Variants in SAAL1 observed in about 807,000 individuals in gnomAD.
SAAL1 encodes protein SAAL1.
A neutral mutation model predicts 59.8 loss-of-function variants in SAAL1; 42 were observed. The observed-to-expected ratio is 0.70, with a 90% CI of 0.55 to 0.91. The LOEUF (loss-of-function observed/expected upper bound fraction) is 0.91, where lower values mean the gene tolerates loss of function less well. Among genes scored for constraint, SAAL1 ranks in the 40% least tolerant of loss-of-function variants. The probability of loss-of-function intolerance (pLI) is 0.00; values close to 1 mark genes in which losing one functional copy is unlikely to be tolerated. For missense variants in SAAL1, 542 were observed against 561.1 expected (o/e 0.97, Z 0.34); for synonymous variants, 191 against 194.3 (o/e 0.98, Z 0.14).
chr11:18,101,042 A>C (rs1447023448), intron 2 of SAAL1, among the ~76,000 whole-genome samples: 2 of 152,222 alleles, frequency 1.3e-5, no homozygotes, highest in African/African-American at 4.8e-5. Context: ...GGAATTAAGG[A>C]AGTCCAAATT....
rs925120066 is a variant in SAAL1 at position 18,081,518 on chromosome 11, A to T, written c.1240-15T>A. 2 of 1,610,182 alleles carry T rather than the reference A, an allele frequency of 1.2e-6. No homozygotes were observed. Among genetic ancestry groups the T allele is most frequent in the African/African-American group, 2.7e-5 (2 of 74,702 alleles). The stretch of plus-strand genomic sequence containing the variant: ...GCCACCGTCTCCTAAAACAACAACA[A>T]GATTTAATGTCAAAAAAGGAAAATT... On this transcript the variant is annotated splice_polypyrimidine_tract_variant and intron_variant, in intron 10 of 11. Transcript: ENST00000524803.
rs959765842 is a variant in SAAL1 at position 18,092,317 on chromosome 11, C to T, written c.341G>A (p.Cys114Tyr). 9 of 1,596,082 alleles carry T rather than the reference C, an allele frequency of 5.6e-6. No individual in the cohort carries two copies. Among genetic ancestry groups the T allele is most frequent in the Non-Finnish European group, 7.7e-6 (9 of 1,163,848 alleles). Residue 114 changes from cysteine to tyrosine, a missense_variant, in exon 4 of 12, where the codon TGT (cysteine) becomes TAT (tyrosine). By Grantham distance (194) the Cys-to-Tyr change is radical. Coordinates refer to ENST00000524803, the MANE Select transcript of SAAL1 (RefSeq NM_138421.3). ...GGCCATATTACCTAAAATTCCCACA[C>T]AGATTTCCTGCCAAATCAAATTTTA... ...KSKCPRLREI[C>Y]VGILGNMACF...
intron 3 of SAAL1, among the ~76,000 whole-genome samples, chr11:18,095,068 T>C (rs1554903818): frequency 6.6e-6 from 1 of 152,226 alleles, no homozygotes; most frequent in Non-Finnish European, 1.5e-5. Context: ...GGGAACATAT[T>C]AGGAATCCTG....
chr11:18,105,871 G>A, intron 1 of SAAL1, 36 bp downstream of exon 1: 2 of 1,548,704 alleles, frequency 1.3e-6, no homozygotes, highest in South Asian at 2.4e-5. Flanking sequence ...CCTGGGGGAT[G>A]TAGGGACACC....
At chr11:18,083,388 A>C in intron 10 of SAAL1, 147 bp downstream of exon 10, 1 of 523,208 alleles carries the variant, frequency 1.9e-6, no homozygotes, top group Non-Finnish European at 3.3e-6. Flanking sequence ...AGTTGTTTTT[A>C]AGATTATAAA....
intron 7 of SAAL1, among the ~76,000 whole-genome samples, chr11:18,087,585 C>A (rs1046653941): frequency 6.6e-6 from 1 of 152,138 alleles, no homozygotes; most frequent in South Asian, 2.1e-4. Flanking sequence ...ATAGTATGAA[C>A]GTTAAGGTCC....
intron 1 of SAAL1, among the ~76,000 whole-genome samples, chr11:18,103,914 C>T (rs1848661764): frequency 2.6e-5 from 4 of 152,234 alleles, no homozygotes; most frequent in South Asian, 4.1e-4. Context: ...AACATTTATT[C>T]CTTGATTTAA....
At chr11:18,082,688 G>C (rs573758529) in intron 10 of SAAL1, among the ~76,000 whole-genome samples, 7 of 152,278 alleles carry the variant, frequency 4.6e-5, no homozygotes, top group African/African-American at 9.6e-5. Context: ...TTGGAGTGTA[G>C]TGGCACAGTC....
At chr11:18,102,049 G>C (rs1418858277) in intron 2 of SAAL1, among the ~76,000 whole-genome samples, 2 of 152,102 alleles carry the variant, frequency 1.3e-5, no homozygotes, top group African/African-American at 2.4e-5. Context: ...AACTTTCAGG[G>C]GTGATGGGTA....
chr11:18,101,384 G>A (rs61882530), intron 2 of SAAL1, among the ~76,000 whole-genome samples: 27,676 of 152,034 alleles, frequency 0.18, 3,107 homozygotes, highest in Non-Finnish European at 0.25. Flanking sequence ...AATCACGGGG[G>A]TGGTTTCCCC....
At position 18,089,519 on chromosome 11, in the gene SAAL1, A is replaced by T. The variant is rs761524566; in HGVS notation, c.590-9T>A. ...CTTCACCAGCAAGTCAACTGCAGAG[A>T]ATAAAACAGATATTGAAATGAAAAA... On this transcript the variant is annotated splice_polypyrimidine_tract_variant and intron_variant, in intron 6 of 11. Transcript: ENST00000524803. The T allele has an allele frequency of 6.3e-7, 1 of 1,599,392 alleles. No individual in the cohort carries two copies. The highest frequency in any genetic ancestry group is 1.1e-5 in the South Asian group (1 of 88,122).
intron 6 of SAAL1, among the ~76,000 whole-genome samples, chr11:18,089,970 A>C (rs7928535): frequency 0.44 from 66,438 of 151,512 alleles, 15,670 homozygotes; most frequent in African/African-American, 0.6. Flanking sequence ...ATACCTTGAG[A>C]TCAGGAGTTT....
intron 2 of SAAL1, among the ~76,000 whole-genome samples, chr11:18,101,095 A>G (rs1360338486): frequency 1.3e-5 from 2 of 152,238 alleles, no homozygotes; most frequent in Non-Finnish European, 2.9e-5. Flanking sequence ...TAGCATGGCT[A>G]AAATTAAGAA....
intron 10 of SAAL1, among the ~76,000 whole-genome samples, chr11:18,082,598 T>C (rs1291790052): frequency 6.8e-6 from 1 of 146,688 alleles, no homozygotes; most frequent in Non-Finnish European, 1.5e-5. Context: ...AGACAACTAA[T>C]AAAAAAAAAA....
intron 1 of SAAL1, among the ~76,000 whole-genome samples, chr11:18,103,667 T>C (rs1326244978): frequency 6.6e-6 from 1 of 152,228 alleles, no homozygotes; most frequent in South Asian, 2.1e-4. Flanking sequence ...GGCTGGTTTC[T>C]GCCTTGCACC....
intron 11 of SAAL1, 138 bp downstream of exon 11, chr11:18,081,273 C>T: frequency 1.7e-6 from 1 of 604,892 alleles, no homozygotes; most frequent in Non-Finnish European, 2.9e-6. Flanking sequence ...CAGCAGTCAT[C>T]TATCTGACAA....
chr11:18,084,639 T>C (rs775993984), intron 9 of SAAL1, among the ~76,000 whole-genome samples: 1 of 152,256 alleles, frequency 6.6e-6, no homozygotes, highest in Non-Finnish European at 1.5e-5. Context: ...CTGTACTCAA[T>C]GCCACCTTCT....
intron 9 of SAAL1, among the ~76,000 whole-genome samples, chr11:18,085,986 G>A (rs915557544): frequency 2.3e-4 from 35 of 152,232 alleles, no homozygotes; most frequent in African/African-American, 8.0e-4. Flanking sequence ...GAAAGAATAT[G>A]TGTTTATATA....
Position 18,083,535 on chromosome 11 carries a change from C to A in SAAL1, c.1239G>T (p.Lys413Asn). 4 of 1,545,614 alleles carry A rather than the reference C, an allele frequency of 2.6e-6. No individual in the cohort carries two copies. Among genetic ancestry groups the A allele is most frequent in the Non-Finnish European group, 3.6e-6 (4 of 1,123,508 alleles). ...FLSNIFQALT[K>N]ETVAQGVKEG... ...GACATCATCAATACTTCTTTCCTACCTTTGTTAATGCCTGAAAAATATTAG... is the reference window on the plus strand; with the variant it reads ...GACATCATCAATACTTCTTTCCTACATTTGTTAATGCCTGAAAAATATTAG... The change falls in exon 10 of 12, where the codon AAG becomes AAT. Residue 413 changes from lysine (K) to asparagine (N), a missense_variant and splice_region_variant. Lys to Asn is a moderately conservative substitution (Grantham distance 94, BLOSUM62 0). Coordinates refer to ENST00000524803, the MANE Select transcript of SAAL1 (RefSeq NM_138421.3).
Sources: gnomAD v4.1 joint callset for allele counts (sites outside exome capture counted in the v4.1 genomes callset) on GRCh38, gnomAD v4.1.1 for gene constraint, MANE v1.5 for transcripts, NCBI Gene and HGNC (gene_info 2026-07-23, HGNC 2026-07-21) for gene names.